The following PARD3B variants were observed in gnomAD, a reference collection of about 807,000 sequenced individuals.
PARD3B encodes par-3 family cell polarity regulator beta, also known as partitioning defective 3 homolog B.
A neutral mutation model predicts 130.2 loss-of-function variants in PARD3B; 103 were observed. The ratio of observed to expected loss-of-function variants is 0.79; its 90% CI spans 0.67 to 0.93. The LOEUF is 0.93. PARD3B is among the 40% of genes least tolerant of loss of function. The probability of loss-of-function intolerance (pLI) is 0.00; values close to 1 mark genes in which losing one functional copy is unlikely to be tolerated. For synonymous variants in PARD3B, 583 were observed against 553.2 expected, an observed-to-expected ratio of 1.05 and a Z score of -0.76; for missense variants, 1,609 against 1,499.2, an observed-to-expected ratio of 1.07 and a Z score of -1.21.
intron 12 of PARD3B, among the ~76,000 whole-genome samples, chr2:205,174,913 C>T (rs2035381609): frequency 6.6e-6 from 1 of 152,148 alleles, no homozygotes; most frequent in Non-Finnish European, 1.5e-5. Context: ...AAAGGATGAG[C>T]TTGAGGTTCA....
At chr2:205,172,615 A>G (rs1427240404) in intron 12 of PARD3B, among the ~76,000 whole-genome samples, 1 of 152,236 alleles carries the variant, frequency 6.6e-6, no homozygotes, top group Non-Finnish European at 1.5e-5. Context: ...TTTTTCCCCC[A>G]GAAATTCCAA....
At chr2:204,577,979 A>C (rs568867021) in intron 1 of PARD3B, among the ~76,000 whole-genome samples, 1 of 152,264 alleles carries the variant, frequency 6.6e-6, no homozygotes, top group African/African-American at 2.4e-5. Flanking sequence ...TCTAGAGACA[A>C]TTTTGGTTAT....
At chr2:205,542,179 TG>T (rs1310711288) in intron 21 of PARD3B, among the ~76,000 whole-genome samples, 6 of 137,678 alleles carry the variant, frequency 4.4e-5, no homozygotes, top group Non-Finnish European at 6.2e-5. Context: ...AAAAAGTATA[TG>T]TTTGGGATCC....
chr2:204,771,153 T>C (rs2125429324), intron 2 of PARD3B, among the ~76,000 whole-genome samples: 1 of 152,262 alleles, frequency 6.6e-6, no homozygotes, highest in Middle Eastern at 3.4e-3. Context: ...CTGAAATGGC[T>C]ATTAAAGTAA....
In PARD3B at chr2:205,269,028, T is replaced by C. The variant is rs2040618167; in HGVS notation, c.2185+23206T>C. ...TGTGAAGCTCAAAGAATAGGTATTATTCCATTTTGTAGATGAGAAAATTGA... is the reference window on the plus strand; with the variant it reads ...TGTGAAGCTCAAAGAATAGGTATTACTCCATTTTGTAGATGAGAAAATTGA... On this transcript the variant is annotated intron_variant, in intron 16 of 22. Transcript: ENST00000406610. This position sits in a 1 kb window ranked among gnomAD's most constrained non-coding sequence, Gnocchi z 4.7. Among the ~76,000 whole-genome samples, 1 of 152,178 alleles carries C rather than the reference T, an allele frequency of 6.6e-6. No individual in the cohort carries two copies. Among genetic ancestry groups the C allele is most frequent in the Non-Finnish European group, 1.5e-5 (1 of 68,008 alleles).
At chr2:204,894,086 CTG>C (rs2046550045) in intron 2 of PARD3B, among the ~76,000 whole-genome samples, 2 of 150,742 alleles carry the variant, frequency 1.3e-5, no homozygotes, top group African/African-American at 4.9e-5. Context: ...GCCATTTCAA[CTG>C]TGTGGTTTGT....
intron 21 of PARD3B, among the ~76,000 whole-genome samples, chr2:205,520,769 C>CTTTG (rs966142828): frequency 1.6e-4 from 24 of 151,654 alleles, no homozygotes; most frequent in African/African-American, 5.1e-4. Context: ...TATTTTTTTA[C>CTTTG]TTTGTTATAT....
At chr2:205,371,728 C>G (rs1036108742) in intron 18 of PARD3B, among the ~76,000 whole-genome samples, 1 of 152,158 alleles carries the variant, frequency 6.6e-6, no homozygotes, top group Non-Finnish European at 1.5e-5. Context: ...ATATAATTCA[C>G]ATGCCATAAA....
chr2:205,168,308 A>AGT (rs1270636794), intron 11 of PARD3B, among the ~76,000 whole-genome samples: 1 of 120,168 alleles, frequency 8.3e-6, no homozygotes, highest in Admixed American at 8.6e-5. Context: ...AGAGAGAGAG[A>AGT]GAGAGAGAGA....
chr2:205,054,686 T>C (rs938436788), intron 4 of PARD3B, among the ~76,000 whole-genome samples: 20 of 151,704 alleles, frequency 1.3e-4, no homozygotes, highest in African/African-American at 4.8e-4. Context: ...ATGGGTTTTG[T>C]TTTCATGTCA....
chr2:205,579,628 G>C (rs1559236550), intron 22 of PARD3B, among the ~76,000 whole-genome samples: 1 of 152,184 alleles, frequency 6.6e-6, no homozygotes, highest in Non-Finnish European at 1.5e-5. Flanking sequence ...TTGGTTTACT[G>C]CACTCGTCCC....
In PARD3B at chr2:204,546,021, G is replaced by C; in HGVS notation, c.22G>C (p.Gly8Arg). MKVTVCF[G>R]RTGIVVPCKE... ...CAGGATGAAAGTGACCGTGTGCTTC[G>C]GCAGGACGGGCATCGTGGTGCCCTG... The change falls in exon 1 of 23, where the codon GGC becomes CGC. Residue 8 changes from glycine to arginine, a missense_variant. By Grantham distance (125) the Gly-to-Arg change is moderately radical. Transcript: ENST00000406610. 1 of 1,567,702 alleles carries C rather than the reference G, an allele frequency of 6.4e-7. No homozygotes were observed. The highest frequency in any genetic ancestry group is 8.7e-7 in the Non-Finnish European group (1 of 1,155,654).
chr2:205,008,895 G>T (rs1175869771), intron 3 of PARD3B, among the ~76,000 whole-genome samples: 2 of 152,130 alleles, frequency 1.3e-5, no homozygotes, highest in Non-Finnish European at 2.9e-5. Flanking sequence ...ATAAGTTACA[G>T]TCAAAAATCA....
intron 2 of PARD3B, among the ~76,000 whole-genome samples, chr2:204,850,495 T>G (rs2044662658): frequency 6.6e-6 from 1 of 151,872 alleles, no homozygotes; most frequent in South Asian, 2.1e-4. Context: ...TATATATAGA[T>G]ATATGTATAT....
At chr2:205,126,224 A>G (rs889630554) in intron 10 of PARD3B, among the ~76,000 whole-genome samples, 1 of 152,228 alleles carries the variant, frequency 6.6e-6, no homozygotes, top group African/African-American at 2.4e-5. Flanking sequence ...TGGGATAGAC[A>G]TCTTGAGAAA....
At position 204,704,104 on chromosome 2, in the gene PARD3B, G is replaced by A. The variant is rs188229615; in HGVS notation, c.222+17822G>A. Among the ~76,000 whole-genome samples the A allele has an allele frequency of 7.1e-4, 108 of 152,254 alleles. No individual in the cohort carries two copies. In the East Asian group the frequency reaches 0.019, roughly 27 times the overall value. ...TATTGTGCTAAAGTACACCTAAAATGTACCATCTTCATCATTTCTAAGTAT... is the reference window on the plus strand; with the variant it reads ...TATTGTGCTAAAGTACACCTAAAATATACCATCTTCATCATTTCTAAGTAT... On this transcript the variant is annotated intron_variant, in intron 2 of 22. Transcript: ENST00000406610.
rs1559462930 is a variant in PARD3B at position 205,124,341 on chromosome 2, G to A, written c.1180G>A (p.Gly394Ser). Residue 394 changes from glycine (G) to serine (S), a missense_variant, in exon 9 of 23, where the codon GGT becomes AGT. Transcript: ENST00000406610. ...IDLKKGPEGL[G>S]FTVVTRDSSI... ...TTATACACTAGGCCCTGAAGGACTT[G>A]GTTTCACTGTGGTTACCAGAGACTC... 6.3e-7 allele frequency: 1 copy of A among 1,576,996 alleles called. No individual in the cohort carries two copies. Among genetic ancestry groups the A allele is most frequent in the Non-Finnish European group, 8.6e-7 (1 of 1,160,958 alleles).
At chr2:205,059,218 A>G (rs1699917617) in intron 4 of PARD3B, among the ~76,000 whole-genome samples, 1 of 152,026 alleles carries the variant, frequency 6.6e-6, no homozygotes, top group African/African-American at 2.4e-5. Context: ...TCTTGGCACC[A>G]CTGTTGAAAC....
chr2:205,289,648 A>G (rs1299869568), intron 16 of PARD3B, among the ~76,000 whole-genome samples: 4 of 151,958 alleles, frequency 2.6e-5, no homozygotes, highest in Admixed American at 2.6e-4. Flanking sequence ...CAGCGTGGAG[A>G]TAGGTGGGAC....
Sources: gnomAD v4.1 joint callset for allele counts (sites outside exome capture counted in the v4.1 genomes callset) on GRCh38, gnomAD v4.1.1 for gene constraint, Gnocchi (gnomAD v3.1) non-coding constraint, MANE v1.5 for transcripts, NCBI Gene and HGNC (gene_info 2026-07-23, HGNC 2026-07-21) for gene names.